The following SLC7A2 variants were observed in gnomAD, a reference collection of about 807,000 sequenced individuals.
The protein encoded by SLC7A2 is cationic amino acid transporter 2.
In SLC7A2, 48 loss-of-function variants were observed where a neutral mutation model predicts 58.9. The observed-to-expected ratio is 0.82, with a 90% confidence interval of 0.65 to 1.04. The LOEUF (loss-of-function observed/expected upper bound fraction) is 1.04. Ranked by LOEUF, SLC7A2 falls within the 50% of genes least tolerant of loss-of-function variation. SLC7A2 has a pLI of 0.00. For missense variants in SLC7A2, 1,029 were observed against 818.8 expected (o/e 1.26, Z -3.13); for synonymous variants, 363 against 314.5 (o/e 1.15, Z -1.63).
At chr8:17,530,637 A>T (rs1012705570) in intron 2 of SLC7A2, among the ~76,000 whole-genome samples, 57 of 150,950 alleles carry the variant, frequency 3.8e-4, no homozygotes, top group Non-Finnish European at 5.0e-4. Context: ...CGGTGGTGCA[A>T]TCTCGACTCA....
chr8:17,545,412 T>C (rs1278216550), intron 4 of SLC7A2, among the ~76,000 whole-genome samples: 2 of 140,950 alleles, frequency 1.4e-5, no homozygotes, highest in South Asian at 2.4e-4. Flanking sequence ...TCTTTTTTTT[T>C]TTTTTTTTTT....
At chr8:17,559,042 G>A (rs1387622111) in intron 9 of SLC7A2, among the ~76,000 whole-genome samples, 2 of 152,050 alleles carry the variant, frequency 1.3e-5, no homozygotes, top group African/African-American at 2.4e-5. Context: ...ACTGGCTGAT[G>A]GTATTATGGC....
intron 2 of SLC7A2, among the ~76,000 whole-genome samples, chr8:17,504,043 G>C (rs1800272621): frequency 6.6e-6 from 1 of 152,210 alleles, no homozygotes; most frequent in Non-Finnish European, 1.5e-5. Flanking sequence ...CACATTGGCT[G>C]TGATTCCCCA....
intron 4 of SLC7A2, among the ~76,000 whole-genome samples, chr8:17,546,833 G>T (rs1802195024): frequency 6.6e-6 from 1 of 152,030 alleles, no homozygotes; most frequent in African/African-American, 2.4e-5. Context: ...TTGCTCAATG[G>T]TAAAAGATAA....
chr8:17,507,386 T>G (rs895749306), intron 2 of SLC7A2, among the ~76,000 whole-genome samples: 4 of 152,132 alleles, frequency 2.6e-5, no homozygotes, highest in Admixed American at 2.6e-4. Flanking sequence ...ATTATTATTT[T>G]TGTGTGTGTG....
intron 2 of SLC7A2, among the ~76,000 whole-genome samples, 194 bp from the exon 3 acceptor site, chr8:17,543,124 G>A (rs1269300863): frequency 2.6e-5 from 4 of 151,892 alleles, no homozygotes; most frequent in East Asian, 1.9e-4. Context: ...CAGGAAATTC[G>A]AGGCTCTGGT....
chr8:17,529,613 C>T (rs1801359419), intron 2 of SLC7A2, among the ~76,000 whole-genome samples: 3 of 151,606 alleles, frequency 2.0e-5, no homozygotes, highest in South Asian at 4.2e-4. Context: ...CCACTGCAAC[C>T]TCTATCTACC....
At chr8:17,531,601 T>C (rs1801453584) in intron 2 of SLC7A2, among the ~76,000 whole-genome samples, 1 of 152,128 alleles carries the variant, frequency 6.6e-6, no homozygotes. Flanking sequence ...TTTATATTTA[T>C]GAGATGGTTT....
chr8:17,543,769 G>C (rs945432283), intron 3 of SLC7A2, 54 bp downstream of exon 3: 29 of 1,474,146 alleles, frequency 2.0e-5, no homozygotes, highest in Non-Finnish European at 2.5e-5. Context: ...TCGCAGCCCT[G>C]AGTCACAGCC....
intron 6 of SLC7A2, 127 bp downstream of exon 6, chr8:17,550,561 C>A: frequency 1.3e-6 from 1 of 748,076 alleles, no homozygotes; most frequent in South Asian, 2.1e-5. Flanking sequence ...AGTTCCAGGC[C>A]CAGCTGTGAC....
intron 4 of SLC7A2, among the ~76,000 whole-genome samples, chr8:17,546,504 G>A (rs536460249): frequency 6.6e-5 from 10 of 152,288 alleles, no homozygotes; most frequent in African/African-American, 1.2e-4. Context: ...CTAATCTTCC[G>A]GTGGGAGATG....
chr8:17,548,760 G>A lies in SLC7A2; in HGVS notation c.615G>A (p.Val205=). The A allele has an allele frequency of 2.5e-6, 4 of 1,613,928 alleles. No individual in the cohort carries two copies. Among genetic ancestry groups the A allele is most frequent in the Non-Finnish European group, 3.4e-6 (4 of 1,179,874 alleles). ...TTAATATTCTCGTCCTTCTGTTTGT[G>A]ATGGTTGCTGGGTTTGTGAAAGGAA... ...TAVNILVLLF[V]MVAGFVKGNV... The change falls in exon 5 of 13, where the codon GTG becomes GTA. Residue 205 remains valine (V), a synonymous_variant. Coordinates refer to ENST00000494857, the MANE Select transcript of SLC7A2 (RefSeq NM_001370338.1).
chr8:17,557,665 G>A (rs1193636502), intron 8 of SLC7A2, among the ~76,000 whole-genome samples: 3 of 151,468 alleles, frequency 2.0e-5, no homozygotes, highest in African/African-American at 4.9e-5. Flanking sequence ...CTGCCCCTAC[G>A]AAAAATACAA....
At chr8:17,504,903 T>C (rs1463501523) in intron 2 of SLC7A2, among the ~76,000 whole-genome samples, 1 of 152,178 alleles carries the variant, frequency 6.6e-6, no homozygotes, top group Non-Finnish European at 1.5e-5. Flanking sequence ...AGTTCCCTGA[T>C]ACACAGAGAA....
At chr8:17,512,341 G>C (rs1231701254) in intron 2 of SLC7A2, among the ~76,000 whole-genome samples, 1 of 152,174 alleles carries the variant, frequency 6.6e-6, no homozygotes, top group African/African-American at 2.4e-5. Context: ...GAGGTCAGGA[G>C]TTTAAGACCA....
At chr8:17,541,366 G>A (rs904247983) in intron 2 of SLC7A2, among the ~76,000 whole-genome samples, 5 of 152,196 alleles carry the variant, frequency 3.3e-5, no homozygotes, top group East Asian at 1.9e-4. Flanking sequence ...AGGTTTTGAC[G>A]TTGAAAACCT....
chr8:17,542,462 G>A (rs1391291317), intron 2 of SLC7A2, among the ~76,000 whole-genome samples: 1 of 152,108 alleles, frequency 6.6e-6, no homozygotes, highest in Non-Finnish European at 1.5e-5. Context: ...ACCAGCATGG[G>A]CAACATAGTG....
In SLC7A2 at chr8:17,569,602, C is replaced by T. The variant is rs538755892; in HGVS notation, c.*4456C>T. ...TATTAAACACTTTAAAATAGCCTTC[C>T]GGTTTCTGGATTTTGAGAAGCCTGA... On this transcript the variant is annotated 3_prime_UTR_variant, in exon 13 of 13. Transcript: ENST00000494857. The T allele has an allele frequency of 2.0e-5, 3 of 152,014 alleles. No individual in the cohort carries two copies. Among genetic ancestry groups the T allele is most frequent in the South Asian group, 2.1e-4 (1 of 4,806 alleles). 9.4% of individuals were successfully genotyped at this position (152,014 alleles called of 1,614,324 possible). A position where few individuals can be genotyped will look rare whatever the true frequency, so the allele number is the denominator to read the frequency against.
chr8:17,557,501 A>G (rs895962056), intron 8 of SLC7A2, among the ~76,000 whole-genome samples: 1 of 152,126 alleles, frequency 6.6e-6, no homozygotes, highest in African/African-American at 2.4e-5. Flanking sequence ...TTTAATTGAA[A>G]GTTATTTTAC....
Sources: gnomAD v4.1 joint callset for allele counts (sites outside exome capture counted in the v4.1 genomes callset) on GRCh38, gnomAD v4.1.1 for gene constraint, MANE v1.5 for transcripts, NCBI Gene and HGNC (gene_info 2026-07-23, HGNC 2026-07-21) for gene names.